Variants in JAK2 observed in about 807,000 individuals in gnomAD.
JAK2 encodes tyrosine-protein kinase JAK2.
A neutral mutation model predicts 139.3 loss-of-function variants in JAK2; 86 were observed. That is an observed-to-expected ratio of 0.62 (90% CI 0.52 to 0.74). The LOEUF (loss-of-function observed/expected upper bound fraction) is 0.74, where lower values mean the gene tolerates loss of function less well. Ranked by LOEUF, JAK2 falls within the 30% of genes least tolerant of loss-of-function variation. JAK2 has a pLI of 0.00. For synonymous variants in JAK2, 490 were observed against 437.7 expected (o/e 1.12, Z -1.49); for missense variants, 1,421 against 1,360.3 (o/e 1.04, Z -0.70).
chr9:5,003,726 A>G (rs560918201), intron 2 of JAK2, among the ~76,000 whole-genome samples: 1 of 152,212 alleles, frequency 6.6e-6, no homozygotes, highest in South Asian at 2.1e-4. Flanking sequence ...ACTAGCCACA[A>G]TGTCCACTAT....
intron 4 of JAK2, among the ~76,000 whole-genome samples, chr9:5,032,563 T>C (rs148447153): frequency 3.9e-5 from 6 of 152,288 alleles, no homozygotes; most frequent in Non-Finnish European, 8.8e-5. Flanking sequence ...AGAGGAACAG[T>C]CAGGCAGCAA....
At chr9:5,102,388 T>G (rs1417970601) in intron 22 of JAK2, among the ~76,000 whole-genome samples, 1 of 152,176 alleles carries the variant, frequency 6.6e-6, no homozygotes, top group African/African-American at 2.4e-5. Flanking sequence ...AATACAGGAC[T>G]ATGTGAAAAG....
At chr9:4,990,765 A>G (rs908065858) in intron 2 of JAK2, among the ~76,000 whole-genome samples, 1 of 152,198 alleles carries the variant, frequency 6.6e-6, no homozygotes, top group African/African-American at 2.4e-5. Context: ...AAAACAGAAG[A>G]AAATTGCTTA....
rs1384823694 is a variant in JAK2 at position 5,022,195 on chromosome 9, G to A, written c.208G>A (p.Ala70Thr). Reference protein sequence around the residue: ...GEYVAEEICIAASKACGITPV... With the variant: ...GEYVAEEICITASKACGITPV... ...GTATGTTGCAGAAGAAATCTGTATT[G>A]CTGCTTCTAAAGCTTGTGGTAAGTA... Residue 70 changes from alanine to threonine, a missense_variant, in exon 3 of 25, where the codon GCT becomes ACT. Ala to Thr is a moderately conservative substitution (Grantham distance 58). Coordinates refer to ENST00000381652, the MANE Select transcript of JAK2 (RefSeq NM_004972.4). 6.2e-7 allele frequency: 1 copy of A among 1,613,514 alleles called. No homozygotes were observed. Among genetic ancestry groups the A allele is most frequent in the Non-Finnish European group, 8.5e-7 (1 of 1,179,526 alleles).
chr9:5,105,752 AACACC>A (rs1421851466), intron 22 of JAK2, among the ~76,000 whole-genome samples: 1 of 152,218 alleles, frequency 6.6e-6, no homozygotes, highest in African/African-American at 2.4e-5. Flanking sequence ...CCTCAGAAAT[AACACC>A]ACACATCTAC....
At chr9:5,064,810 A>C (rs1375282991) in intron 8 of JAK2, 73 bp from the exon 9 acceptor site, 5 of 1,157,380 alleles carry the variant, frequency 4.3e-6, no homozygotes, top group Non-Finnish European at 5.9e-6. Flanking sequence ...ACATGGAATG[A>C]AGAAAATTTT....
intron 2 of JAK2, among the ~76,000 whole-genome samples, chr9:5,003,852 G>T (rs1330164004): frequency 1.0e-5 from 1 of 96,716 alleles, no homozygotes; most frequent in East Asian, 2.9e-4. Flanking sequence ...CCCTTTATCA[G>T]AGTGAGGAAG....
At position 5,127,216 on chromosome 9, in the gene JAK2, CAT is replaced by C. The variant is rs766011298; in HGVS notation, c.*426_*427del. ...GGCATCTTGTGTGATGTTTTACACA[CAT>C]GAGGGCTGGTGTTCATTAATACTGT... On this transcript the variant is annotated 3_prime_UTR_variant, in exon 25 of 25. Coordinates refer to ENST00000381652, the MANE Select transcript of JAK2 (RefSeq NM_004972.4). The C allele has an allele frequency of 6.8e-5, 16 of 233,684 alleles. No individual in the cohort carries two copies. Among genetic ancestry groups the C allele is most frequent in the African/African-American group, 2.2e-4 (10 of 45,394 alleles). 14.5% of individuals were successfully genotyped at this position (233,684 alleles called of 1,614,324 possible).
chr9:5,103,952 A>G lies in JAK2; in HGVS notation c.3059+13041A>G, dbSNP rs529489082. On this transcript the variant is annotated intron_variant, in intron 22 of 24. Transcript: ENST00000381652. ...GGGAAATTTATAGCACTAAATGCCCACAAGAGAAAGCAGGAAAGAGCTAAA... is the reference window on the plus strand; with the variant it reads ...GGGAAATTTATAGCACTAAATGCCCGCAAGAGAAAGCAGGAAAGAGCTAAA... Among the ~76,000 whole-genome samples, 22 of 152,370 alleles carry G rather than the reference A, an allele frequency of 1.4e-4. 1 individual carries two copies. The highest frequency in any genetic ancestry group is 4.6e-4 in the African/African-American group (19 of 41,584).
rs564438259 is a variant in JAK2, at chr9:5,006,006, A to G, written c.-25-15957A>G. Among the ~76,000 whole-genome samples, 429 of 152,290 alleles carry G rather than the reference A, an allele frequency of 2.8e-3. 1 individual carries two copies. The highest frequency in any genetic ancestry group is 0.01 in the African/African-American group (419 of 41,554). ...TTTTTTGGTTCCATATGAACTTTAA[A>G]GTAGTTTTTTCCAATTCTGTGAAGA... On this transcript the variant is annotated intron_variant, in intron 2 of 24. Coordinates refer to ENST00000381652, the MANE Select transcript of JAK2 (RefSeq NM_004972.4).
chr9:5,004,405 C>G (rs760926723), intron 2 of JAK2, among the ~76,000 whole-genome samples: 10 of 152,094 alleles, frequency 6.6e-5, no homozygotes, highest in Non-Finnish European at 1.2e-4. Flanking sequence ...CTGTGCCTAG[C>G]TTTATTTCAC....
chr9:5,059,478 G>T (rs1818004089), intron 8 of JAK2, among the ~76,000 whole-genome samples: 3 of 152,058 alleles, frequency 2.0e-5, no homozygotes, highest in African/African-American at 7.2e-5. Context: ...GGACATTTGG[G>T]TTGCTTTCAC....
chr9:4,988,021 C>T lies in JAK2; in HGVS notation c.-26+1999C>T, dbSNP rs142067732. 3.6e-3 allele frequency among the ~76,000 whole-genome samples: 552 copies of T among 152,266 alleles called. 3 individuals are homozygous for T. Among genetic ancestry groups the T allele is most frequent in the African/African-American group, 0.013 (525 of 41,558 alleles). On this transcript the variant is annotated intron_variant, in intron 2 of 24. Coordinates refer to ENST00000381652, the MANE Select transcript of JAK2 (RefSeq NM_004972.4). ...TTAAACTGGTGAGGGAGTATTACAG[C>T]CTTTGTATGGAAAGGTTTGACTTTG... is the stretch of plus-strand genomic sequence containing the variant.
chr9:5,033,831 A>G lies in JAK2; in HGVS notation c.350+3925A>G, dbSNP rs185926844. Among the ~76,000 whole-genome samples, 12 of 152,346 alleles carry G rather than the reference A, an allele frequency of 7.9e-5. No homozygotes were observed. The East Asian group carries it at 1.9e-3, about 24-fold the overall frequency. On this transcript the variant is annotated intron_variant, in intron 4 of 24. Transcript: ENST00000381652. ...TCGAGGCTAGGAAGAAACTGCATCA[A>G]CTAATGAGCAAAATAACCAGGTAAC... is the stretch of plus-strand genomic sequence containing the variant.
At chr9:5,037,712 G>A (rs1443791037) in intron 4 of JAK2, among the ~76,000 whole-genome samples, 2 of 152,168 alleles carry the variant, frequency 1.3e-5, no homozygotes, top group Non-Finnish European at 2.9e-5. Context: ...GTTCTGGGGT[G>A]GGGGGATGGA....
intron 2 of JAK2, among the ~76,000 whole-genome samples, chr9:5,019,144 T>A (rs780342738): frequency 6.6e-6 from 1 of 152,208 alleles, no homozygotes; most frequent in Non-Finnish European, 1.5e-5. Flanking sequence ...TTAACCAGGT[T>A]TTCTATTCCT....
intron 19 of JAK2, among the ~76,000 whole-genome samples, chr9:5,084,501 T>C (rs985751750): frequency 6.6e-6 from 1 of 152,168 alleles, no homozygotes; most frequent in African/African-American, 2.4e-5. Context: ...TTAAAATTAT[T>C]TTCATATGTT....
chr9:5,042,993 G>A (rs1287510325), intron 4 of JAK2, among the ~76,000 whole-genome samples: 1 of 152,230 alleles, frequency 6.6e-6, no homozygotes, highest in African/African-American at 2.4e-5. Context: ...TGAGGGGGGT[G>A]GGCCGGCTGG....
At chr9:5,053,575 G>A (rs1280736154) in intron 6 of JAK2, among the ~76,000 whole-genome samples, 2 of 151,976 alleles carry the variant, frequency 1.3e-5, no homozygotes, top group Non-Finnish European at 2.9e-5. Flanking sequence ...GTTTTAGCAA[G>A]AGCAGTTTCT....
Sources: allele counts gnomAD v4.1 joint callset (sites outside exome capture counted in the v4.1 genomes callset), GRCh38; gene constraint gnomAD v4.1.1; transcripts MANE v1.5; gene names NCBI Gene and HGNC (gene_info 2026-07-23, HGNC 2026-07-21).